OSBPL11: variants seen among roughly 807,000 people sequenced by gnomAD.
The protein encoded by OSBPL11 is oxysterol-binding protein-related protein 11.
In OSBPL11, 33 loss-of-function variants were observed where a neutral mutation model predicts 84.4. The observed-to-expected ratio is 0.39, with a 90% confidence interval of 0.30 to 0.52. The LOEUF (loss-of-function observed/expected upper bound fraction) is 0.52, where lower values mean the gene tolerates loss of function less well. OSBPL11 is among the 20% of genes least tolerant of loss of function. The pLI, the probability that OSBPL11 is intolerant of heterozygous loss-of-function variation, is 0.72. For synonymous variants in OSBPL11, 276 were observed against 310.2 expected (o/e 0.89, Z 1.16); for missense variants, 736 against 901.1 (o/e 0.82, Z 2.35).
intron 1 of OSBPL11, among the ~76,000 whole-genome samples, chr3:125,587,646 A>T (rs932123779): frequency 3.0e-4 from 45 of 152,290 alleles, no homozygotes; most frequent in African/African-American, 1.0e-3. Context: ...TTTCAAGATA[A>T]GTCTGTGGTC....
intron 1 of OSBPL11, among the ~76,000 whole-genome samples, chr3:125,589,402 A>G (rs748798903): frequency 6.6e-6 from 1 of 151,870 alleles, no homozygotes; most frequent in Non-Finnish European, 1.5e-5. Context: ...TAAGGAAACT[A>G]AGAAATCACA....
At chr3:125,566,735 T>A (rs1215284396) in intron 6 of OSBPL11, among the ~76,000 whole-genome samples, 1 of 152,028 alleles carries the variant, frequency 6.6e-6, no homozygotes, top group African/African-American at 2.4e-5. Flanking sequence ...CACAATTAAT[T>A]TCAACAAATA....
chr3:125,593,659 C>A (rs944538954), intron 1 of OSBPL11, among the ~76,000 whole-genome samples: 6 of 152,082 alleles, frequency 3.9e-5, no homozygotes, highest in African/African-American at 1.4e-4. Flanking sequence ...TACTTCACTT[C>A]TATATGTTAA....
chr3:125,580,514 CAAAAAAAAA>C (rs56041212), intron 2 of OSBPL11, among the ~76,000 whole-genome samples: 2 of 64,978 alleles, frequency 3.1e-5, no homozygotes, highest in South Asian at 1.3e-3. Context: ...AACTCCGTCT[CAAAAAAAAA>C]AAAAAAAAAA....
At chr3:125,545,586 G>A (rs747909454) in intron 10 of OSBPL11, among the ~76,000 whole-genome samples, 7 of 151,890 alleles carry the variant, frequency 4.6e-5, no homozygotes, top group Non-Finnish European at 1.0e-4. Flanking sequence ...TGTATCTCTA[G>A]TATGCAGTAA....
intron 11 of OSBPL11, among the ~76,000 whole-genome samples, chr3:125,532,708 C>T (rs1935578573): frequency 6.6e-6 from 1 of 151,470 alleles, no homozygotes; most frequent in South Asian, 2.1e-4. Flanking sequence ...ATAAAACTAC[C>T]ATAAACCCAG....
intron 8 of OSBPL11, among the ~76,000 whole-genome samples, chr3:125,555,276 T>C (rs1935977379): frequency 6.6e-6 from 1 of 152,204 alleles, no homozygotes; most frequent in African/African-American, 2.4e-5. Flanking sequence ...TTCCCTACTT[T>C]TGAGGTTTGG....
At position 125,552,524 on chromosome 3, in the gene OSBPL11, A is replaced by C; in HGVS notation, c.1311T>G (p.His437Gln). Residue 437 changes from histidine (H) to glutamine (Q), a missense_variant, in exon 9 of 13, where the codon CAT becomes CAG. His to Gln is a conservative substitution (Grantham distance 24). Transcript: ENST00000296220. ...RFVEYYLTSF[H>Q]EGRKGAIAKK... ...TAGCAATGGCTCCCTTACGGCCTTC[A>C]TGAAATGAGGTAAGGTAGTACTCAA... 2 of 1,614,230 alleles carry C rather than the reference A, an allele frequency of 1.2e-6. No homozygotes were observed. Among genetic ancestry groups the C allele is most frequent in the Non-Finnish European group, 1.7e-6 (2 of 1,180,034 alleles).
chr3:125,540,747 G>T (rs2107589313), intron 10 of OSBPL11, among the ~76,000 whole-genome samples: 1 of 152,234 alleles, frequency 6.6e-6, no homozygotes, highest in African/African-American at 2.4e-5. Flanking sequence ...CTTTCCAATG[G>T]ACAATCTTAG....
intron 8 of OSBPL11, among the ~76,000 whole-genome samples, chr3:125,554,653 A>G (rs1935962822): frequency 6.6e-6 from 1 of 152,182 alleles, no homozygotes; most frequent in Non-Finnish European, 1.5e-5. Flanking sequence ...AACAAAAATA[A>G]AAAATAATAT....
At chr3:125,555,446 G>T (rs1935979549) in intron 8 of OSBPL11, among the ~76,000 whole-genome samples, 1 of 152,026 alleles carries the variant, frequency 6.6e-6, no homozygotes, top group Non-Finnish European at 1.5e-5. Context: ...AATCATCAAA[G>T]AAATAATTCA....
At chr3:125,552,879 A>C (rs1284294745) in intron 8 of OSBPL11, among the ~76,000 whole-genome samples, 200 bp from the exon 9 acceptor site, 2 of 152,210 alleles carry the variant, frequency 1.3e-5, no homozygotes, top group Admixed American at 1.3e-4. Context: ...GCACTTTGGG[A>C]GGCCAAGTTG....
At chr3:125,551,122 C>T (rs1201717195) in intron 9 of OSBPL11, among the ~76,000 whole-genome samples, 2 of 145,402 alleles carry the variant, frequency 1.4e-5, no homozygotes, top group Middle Eastern at 3.7e-3. Flanking sequence ...TATGACCATG[C>T]CACTGCACTT....
Position 125,576,122 on chromosome 3 carries a change from T to C in OSBPL11, c.666+67A>G. On this transcript the variant is annotated intron_variant, in intron 5 of 12. Coordinates refer to ENST00000296220, the MANE Select transcript of OSBPL11 (RefSeq NM_022776.5). ...GAAGACACAAACAGTATTTAAGTTT[T>C]TTTGTGACAAAACCAAGCAGGTAAA... 4 of 1,447,196 alleles carry C rather than the reference T, an allele frequency of 2.8e-6. 1 individual carries two copies. Among genetic ancestry groups the C allele is most frequent in the Non-Finnish European group, 1.9e-6 (2 of 1,055,970 alleles). 89.6% of individuals were successfully genotyped at this position (1,447,196 alleles called of 1,614,324 possible).
At chr3:125,548,875 ATT>A (rs34392203) in intron 9 of OSBPL11, among the ~76,000 whole-genome samples, 5 of 147,016 alleles carry the variant, frequency 3.4e-5, no homozygotes, top group Non-Finnish European at 7.5e-5. Context: ...AACATCAACT[ATT>A]TTTTTTTTTT....
In OSBPL11 at chr3:125,531,959, T is replaced by TG. The variant is rs1935564137; in HGVS notation, c.2079dup (p.Thr694HisfsTer4). The TG allele has an allele frequency of 6.2e-7, 1 of 1,613,296 alleles. No homozygotes were observed. Among genetic ancestry groups the TG allele is most frequent in the African/African-American group, 1.3e-5 (1 of 74,896 alleles). ...TCTTCCAGGGTATGCTTATGCTCTG[T>TG]GGCCTTATCAATTTCAGATTCTCTC... On this transcript the variant is annotated frameshift_variant, in exon 12 of 13. Coordinates refer to ENST00000296220, the MANE Select transcript of OSBPL11 (RefSeq NM_022776.5). LOFTEE classifies it high-confidence loss of function.
In OSBPL11 at chr3:125,552,108, T is replaced by C. The variant is rs186979174; in HGVS notation, c.1654+73A>G. On this transcript the variant is annotated intron_variant, in intron 9 of 12. Transcript: ENST00000296220. ...TTTAAAGTAAACTTTCATTCCTGCTTGGAAAAAAAAATACATATATATATG... is the reference window on the plus strand; with the variant it reads ...TTTAAAGTAAACTTTCATTCCTGCTCGGAAAAAAAAATACATATATATATG... 1.7e-4 allele frequency: 151 copies of C among 906,086 alleles called. No homozygotes were observed. The African/African-American group carries it at 2.4e-3, about 14-fold the overall frequency. 56.1% of individuals were successfully genotyped at this position (906,086 alleles called of 1,614,324 possible).
intron 12 of OSBPL11, 74 bp from the exon 13 acceptor site, chr3:125,530,654 C>A: frequency 1.7e-6 from 2 of 1,152,230 alleles, no homozygotes; most frequent in Admixed American, 1.9e-5. Context: ...AGAAGCAACA[C>A]CTTCACTGAA....
At chr3:125,550,406 CAA>C (rs1491490318) in intron 9 of OSBPL11, among the ~76,000 whole-genome samples, 8 of 108,614 alleles carry the variant, frequency 7.4e-5, no homozygotes, top group Non-Finnish European at 1.3e-4. Flanking sequence ...CACACACACA[CAA>C]CAAACAAAAA....
Sources: allele counts gnomAD v4.1 joint callset (sites outside exome capture counted in the v4.1 genomes callset), GRCh38; gene constraint gnomAD v4.1.1; transcripts MANE v1.5; gene names NCBI Gene and HGNC (gene_info 2026-07-23, HGNC 2026-07-21).